Variants in SOS1 observed in about 807,000 individuals in gnomAD.
SOS1 encodes SOS Ras/Rac guanine nucleotide exchange factor 1, also known as son of sevenless homolog 1.
Under a neutral mutation model 157.6 loss-of-function variants are expected in SOS1, and 25 were observed. The observed-to-expected ratio is 0.16, with a 90% confidence interval of 0.12 to 0.22. The LOEUF is 0.22. Ranked by LOEUF, SOS1 falls within the 10% of genes least tolerant of loss-of-function variation. The pLI is 1.00. For synonymous variants in SOS1, 528 were observed against 534.0 expected (o/e 0.99, Z 0.16); for missense variants, 1,237 against 1,599.1 (o/e 0.77, Z 3.86).
intron 17 of SOS1, among the ~76,000 whole-genome samples, chr2:38,999,594 A>G (rs1222133577): frequency 6.6e-6 from 1 of 152,240 alleles, no homozygotes; most frequent in Non-Finnish European, 1.5e-5. Context: ...TAGTAAGCAC[A>G]GGCTTTTTTA....
At chr2:38,990,855 T>G (rs574169583) in intron 20 of SOS1, among the ~76,000 whole-genome samples, 1 of 152,222 alleles carries the variant, frequency 6.6e-6, no homozygotes, top group Non-Finnish European at 1.5e-5. Context: ...GAAATTCTTT[T>G]AGAATTTTAC....
intron 21 of SOS1, among the ~76,000 whole-genome samples, chr2:38,989,025 G>T (rs569512529): frequency 6.6e-6 from 1 of 150,682 alleles, no homozygotes; most frequent in South Asian, 2.1e-4. Flanking sequence ...AAATGTGGAA[G>T]CCACTTATTT....
intron 17 of SOS1, among the ~76,000 whole-genome samples, chr2:38,999,342 G>C (rs951682267): frequency 6.6e-6 from 1 of 152,114 alleles, no homozygotes; most frequent in East Asian, 1.9e-4. Context: ...GCAAGGGCTG[G>C]GTTTGTACTT....
At chr2:39,041,843 A>G (rs185432519) in intron 6 of SOS1, among the ~76,000 whole-genome samples, 59 of 152,234 alleles carry the variant, frequency 3.9e-4, no homozygotes, top group African/African-American at 1.4e-3. Flanking sequence ...ATGTTCTCCT[A>G]TATTTTCTTT....
At chr2:39,108,521 T>C (rs1673290854) in intron 1 of SOS1, among the ~76,000 whole-genome samples, 1 of 132,824 alleles carries the variant, frequency 7.5e-6, no homozygotes, top group Non-Finnish European at 1.7e-5. Flanking sequence ...TCCTAATCCT[T>C]AACTGGCTAA....
At chr2:39,003,051 A>T (rs552620116) in intron 17 of SOS1, among the ~76,000 whole-genome samples, 1 of 119,456 alleles carries the variant, frequency 8.4e-6, no homozygotes, top group Non-Finnish European at 1.7e-5. Context: ...TGGGTGATAA[A>T]GTGAGACCTT....
rs181253473 is a variant in SOS1 at position 39,046,916 on chromosome 2, T to C, written c.864+4228A>G. ...GCATCTTATAATGAGTGTCTACAAGTAGTAAACGCTCTTGGTCATTGTATG... is the reference window on the plus strand; with the variant it reads ...GCATCTTATAATGAGTGTCTACAAGCAGTAAACGCTCTTGGTCATTGTATG... On this transcript the variant is annotated intron_variant, in intron 6 of 22. Coordinates refer to ENST00000402219, the MANE Select transcript of SOS1 (RefSeq NM_005633.4). 1.9e-3 allele frequency among the ~76,000 whole-genome samples: 297 copies of C among 152,344 alleles called. 1 individual carries two copies. Among genetic ancestry groups the C allele is most frequent in the Non-Finnish European group, 3.8e-4 (26 of 68,034 alleles).
intron 6 of SOS1, among the ~76,000 whole-genome samples, chr2:39,042,732 T>TA (rs753076688): frequency 3.8e-4 from 57 of 148,942 alleles, no homozygotes; most frequent in African/African-American, 5.9e-4. Flanking sequence ...TTTTTTTTTT[T>TA]AAAAACAAAG....
intron 11 of SOS1, among the ~76,000 whole-genome samples, chr2:39,014,515 T>C (rs1231756343): frequency 6.6e-6 from 1 of 152,106 alleles, no homozygotes; most frequent in Non-Finnish European, 1.5e-5. Context: ...AAATTTTATA[T>C]AGGTCTTTAG....
intron 3 of SOS1, among the ~76,000 whole-genome samples, chr2:39,057,432 T>C (rs1476225085): frequency 6.6e-6 from 1 of 152,092 alleles, no homozygotes. Flanking sequence ...AGCCCTAATA[T>C]TAAACTTCAA....
chr2:39,024,056 C>G lies in SOS1; in HGVS notation c.1156G>C (p.Gly386Arg). The part of the protein sequence containing the change: ...AITALLNVQS[G>R]MEKICSKSLA... ...CTTTTAGAACATATTTTTTCCATAC[C>G]ACTCTGAACATTAAGCAAAGCTGTT... Residue 386 changes from glycine (G) to arginine (R), a missense_variant, in exon 9 of 23, where the codon GGT becomes CGT. Around this residue, in one of 15 missense-constraint regions of SOS1, gnomAD observed 101 missense variants for 171.5 expected, o/e 0.59. Transcript: ENST00000402219. The G allele has an allele frequency of 6.2e-7, 1 of 1,600,576 alleles. No homozygotes were observed. The highest frequency in any genetic ancestry group is 8.6e-7 in the Non-Finnish European group (1 of 1,167,886).
chr2:39,008,053 C>T (rs1476399389), intron 15 of SOS1, among the ~76,000 whole-genome samples: 1 of 152,156 alleles, frequency 6.6e-6, no homozygotes, highest in Non-Finnish European at 1.5e-5. Context: ...ACCTAGCTCC[C>T]GGTGAGGTGC....
intron 8 of SOS1, among the ~76,000 whole-genome samples, chr2:39,030,321 T>C (rs1670115305): frequency 6.6e-6 from 1 of 150,912 alleles, no homozygotes; most frequent in Non-Finnish European, 1.5e-5. Flanking sequence ...CCCAGCACTT[T>C]CGGAGGCCAA....
At chr2:39,059,140 G>A (rs1204358662) in intron 2 of SOS1, among the ~76,000 whole-genome samples, 2 of 152,076 alleles carry the variant, frequency 1.3e-5, no homozygotes, top group African/African-American at 4.8e-5. Context: ...CCAAGATCAA[G>A]AAGTAAATAT....
rs371024396 is a variant in SOS1 at position 38,985,880 on chromosome 2, G to C, written c.3946C>G (p.His1316Asp). The change falls in exon 23 of 23, where the codon CAC becomes GAC. Residue 1316 changes from histidine (H) to aspartate (D), a missense_variant. Transcript: ENST00000402219. The part of the protein sequence containing the change: ...PPKTYKREHT[H>D]PSMHRDGPPL... Reference sequence around the variant, plus strand: ...GGTCCATCTCTGTGCATGGATGGGTGTGTGTGCTCCCTTTTGTAAGTTTTT... The same window carrying C: ...GGTCCATCTCTGTGCATGGATGGGTCTGTGTGCTCCCTTTTGTAAGTTTTT... The C allele has an allele frequency of 7.2e-5, 116 of 1,613,922 alleles. No individual in the cohort carries two copies. The highest frequency in any genetic ancestry group is 7.3e-5 in the Non-Finnish European group (86 of 1,179,858).
intron 6 of SOS1, among the ~76,000 whole-genome samples, 187 bp from the exon 7 acceptor site, chr2:39,035,687 C>A (rs910329892): frequency 6.6e-6 from 1 of 152,090 alleles, no homozygotes; most frequent in Non-Finnish European, 1.5e-5. Context: ...GAGAGTAAAT[C>A]AGTTCTTTCT....
chr2:39,010,368 G>A (rs374847279), intron 15 of SOS1, among the ~76,000 whole-genome samples: 15 of 151,680 alleles, frequency 9.9e-5, no homozygotes, highest in African/African-American at 3.6e-4. Context: ...AGGTGAGTGT[G>A]ATATCACACA....
intron 1 of SOS1, among the ~76,000 whole-genome samples, chr2:39,097,324 T>G (rs1350824566): frequency 1.3e-5 from 2 of 152,200 alleles, no homozygotes; most frequent in Non-Finnish European, 2.9e-5. Flanking sequence ...CATATCAGCA[T>G]ATAGCTAATT....
intron 1 of SOS1, among the ~76,000 whole-genome samples, chr2:39,089,155 C>A (rs149118607): frequency 2.3e-3 from 356 of 152,270 alleles, no homozygotes; most frequent in Non-Finnish European, 3.8e-3. Context: ...TCATAAAACA[C>A]TGATTCAATA....
Sources: allele counts gnomAD v4.1 joint callset (sites outside exome capture counted in the v4.1 genomes callset), GRCh38; gene constraint gnomAD v4.1.1; regional missense constraint gnomAD v4.1.1; transcripts MANE v1.5; gene names NCBI Gene and HGNC (gene_info 2026-07-23, HGNC 2026-07-21).